The following LIMCH1 variants were observed in gnomAD, a reference collection of about 807,000 sequenced individuals.
LIMCH1 encodes the protein LIM and calponin homology domains 1, also known as LIM and calponin homology domains-containing protein 1.
In LIMCH1, 113 loss-of-function variants were observed where a neutral mutation model predicts 176.5. The ratio of observed to expected loss-of-function variants is 0.64; its 90% CI spans 0.55 to 0.75. The LOEUF is 0.75. Ranked by LOEUF, LIMCH1 falls within the 30% of genes least tolerant of loss-of-function variation. The probability of loss-of-function intolerance (pLI) is 0.00; values close to 1 mark genes in which losing one functional copy is unlikely to be tolerated. For synonymous variants in LIMCH1, 619 were observed against 645.9 expected (o/e 0.96, Z 0.63); for missense variants, 1,674 against 1,814.9 (o/e 0.92, Z 1.41).
intron 1 of LIMCH1, among the ~76,000 whole-genome samples, chr4:41,378,086 C>A (rs559061314): frequency 3.3e-4 from 50 of 152,298 alleles, no homozygotes; most frequent in African/African-American, 1.2e-3. Context: ...GGAGAGGTGA[C>A]AGCAATGGCT....
At chr4:41,570,381 C>A (rs1042401769) in intron 1 of LIMCH1, among the ~76,000 whole-genome samples, 17 of 152,230 alleles carry the variant, frequency 1.1e-4, no homozygotes, top group African/African-American at 3.9e-4. Context: ...TAGGGACTCT[C>A]TGGTTTCAAC....
Position 41,632,819 on chromosome 4 carries a change from G to T in LIMCH1, c.1672G>T (p.Glu558Ter). Residue 558 changes from glutamate (E) to a stop codon, truncating the protein, a stop_gained, in exon 11 of 32, where the codon GAA becomes TAA. Coordinates refer to ENST00000503057, the MANE Select transcript of LIMCH1 (RefSeq NM_001330672.2). LOFTEE classifies it high-confidence loss of function. ...SWLAPVPESQ[E>*]EWVCSLGECP... ...GCTGGCTCCTGTGCCGGAGTCTCAG[G>T]AAGAGTGGGTCTGCAGTTTGGGCGA... 6.5e-7 allele frequency: 1 copy of T among 1,536,236 alleles called. No homozygotes were observed. Among genetic ancestry groups the T allele is most frequent in the Non-Finnish European group, 8.7e-7 (1 of 1,146,910 alleles).
At chr4:41,612,504 A>G in intron 4 of LIMCH1, 1 of 702,154 alleles carries the variant, frequency 1.4e-6, no homozygotes, top group Non-Finnish European at 2.6e-6. Flanking sequence ...ATTGAGGTTT[A>G]TCTTTGAGTG....
At chr4:41,460,243 C>A (rs375061003) in intron 1 of LIMCH1, among the ~76,000 whole-genome samples, 1 of 151,938 alleles carries the variant, frequency 6.6e-6, no homozygotes, top group East Asian at 1.9e-4. Flanking sequence ...AATTCAGTTT[C>A]TCAGTGCACT....
rs369859407 is a variant in LIMCH1 at position 41,669,996 on chromosome 4, C to T, written c.3398-1558C>T. On this transcript the variant is annotated intron_variant, in intron 21 of 31. Transcript: ENST00000503057. The stretch of plus-strand genomic sequence containing the variant: ...TGATCGACCCTAATGATGTTCCACA[C>T]GTTTTCCTTACACACACACACCCAG... Among the ~76,000 whole-genome samples, 442 of 152,310 alleles carry T rather than the reference C, an allele frequency of 2.9e-3. 25 individuals carry two copies. The South Asian group carries it at 0.089, about 31-fold the overall frequency.
At chr4:41,442,301 A>C (rs2154141963) in intron 1 of LIMCH1, among the ~76,000 whole-genome samples, 1 of 150,298 alleles carries the variant, frequency 6.7e-6, no homozygotes, top group African/African-American at 2.5e-5. Context: ...CCCTGTCTCA[A>C]AAATACATAA....
At chr4:41,572,203 C>T (rs1171297462) in intron 1 of LIMCH1, among the ~76,000 whole-genome samples, 2 of 152,112 alleles carry the variant, frequency 1.3e-5, no homozygotes. Context: ...CAATTAACAA[C>T]ATCTTCACAG....
At chr4:41,556,048 A>G (rs1219071254) in intron 1 of LIMCH1, among the ~76,000 whole-genome samples, 4 of 152,062 alleles carry the variant, frequency 2.6e-5, no homozygotes, top group Non-Finnish European at 1.5e-5. Flanking sequence ...CCTGGCCAGT[A>G]ATTTTAAATA....
At chr4:41,532,301 C>T (rs1561655755) in intron 3 of LIMCH1, among the ~76,000 whole-genome samples, 1 of 152,146 alleles carries the variant, frequency 6.6e-6, no homozygotes, top group Non-Finnish European at 1.5e-5. Context: ...CTGTTTGAAA[C>T]AGCCTTTACA....
chr4:41,544,515 A>C (rs926213683), intron 1 of LIMCH1, among the ~76,000 whole-genome samples: 2 of 152,194 alleles, frequency 1.3e-5, no homozygotes, highest in African/African-American at 4.8e-5. Flanking sequence ...AGAGTAGAGA[A>C]GAGCCCAGAA....
At chr4:41,552,485 C>T (rs778296842) in intron 1 of LIMCH1, among the ~76,000 whole-genome samples, 108 of 152,228 alleles carry the variant, frequency 7.1e-4, no homozygotes, top group Non-Finnish European at 1.1e-3. Flanking sequence ...AATGCCATCG[C>T]GTTACTTTGG....
At chr4:41,592,151 G>T (rs1261723939) in intron 1 of LIMCH1, among the ~76,000 whole-genome samples, 2 of 152,236 alleles carry the variant, frequency 1.3e-5, no homozygotes, top group Non-Finnish European at 2.9e-5. Context: ...TCCAACTGTA[G>T]TCAGAGGACA....
chr4:41,565,579 G>A (rs2082658544), intron 1 of LIMCH1, among the ~76,000 whole-genome samples: 1 of 151,842 alleles, frequency 6.6e-6, no homozygotes, highest in Non-Finnish European at 1.5e-5. Context: ...CTTAGCTTTT[G>A]TATCTTTCTC....
At chr4:41,596,217 A>G (rs774733273) in intron 1 of LIMCH1, among the ~76,000 whole-genome samples, 4 of 139,806 alleles carry the variant, frequency 2.9e-5, no homozygotes, top group Non-Finnish European at 5.9e-5. Context: ...TTTTTCTACC[A>G]TTTTTGTAAC....
chr4:41,492,342 A>T (rs1394332366), intron 1 of LIMCH1, among the ~76,000 whole-genome samples: 2 of 151,548 alleles, frequency 1.3e-5, no homozygotes, highest in Non-Finnish European at 2.9e-5. Context: ...GGGAGGTTGC[A>T]GCGAGCCGAG....
Position 41,652,411 on chromosome 4 carries a change from G to A in LIMCH1, c.3036+1803G>A, listed in dbSNP as rs570258417. ...GTTTTGTGATCCAGGCCACTGCGGA[G>A]TCTCTCCTGAACTTGGACTTCCTGG... On this transcript the variant is annotated intron_variant, in intron 18 of 31. Transcript: ENST00000503057. Among the ~76,000 whole-genome samples, 5 of 152,234 alleles carry A rather than the reference G, an allele frequency of 3.3e-5. No individual in the cohort carries two copies. In the South Asian group the frequency reaches 6.2e-4, roughly 19 times the overall value.
At chr4:41,678,704 G>T (rs1713110095) in intron 23 of LIMCH1, among the ~76,000 whole-genome samples, 1 of 152,026 alleles carries the variant, frequency 6.6e-6, no homozygotes, top group Non-Finnish European at 1.5e-5. Flanking sequence ...GTTTGTAGGG[G>T]AGGGTGTGAG....
chr4:41,498,096 G>A (rs538383001), intron 2 of LIMCH1, among the ~76,000 whole-genome samples: 2 of 152,266 alleles, frequency 1.3e-5, no homozygotes, highest in East Asian at 1.9e-4. Context: ...TAAGAAGGCA[G>A]CGTCAATAAA....
intron 19 of LIMCH1, among the ~76,000 whole-genome samples, chr4:41,662,579 A>C (rs2094662892): frequency 6.6e-6 from 1 of 152,142 alleles, no homozygotes; most frequent in Non-Finnish European, 1.5e-5. Context: ...CTAAAAACTT[A>C]AGTTCTTCAT....
Sources: allele counts gnomAD v4.1 joint callset (sites outside exome capture counted in the v4.1 genomes callset), GRCh38; gene constraint gnomAD v4.1.1; transcripts MANE v1.5; gene names NCBI Gene and HGNC (gene_info 2026-07-23, HGNC 2026-07-21).